The following DNAH5 variants were observed in gnomAD, a reference collection of about 807,000 sequenced individuals.
DNAH5 encodes the protein dynein axonemal heavy chain 5.
In DNAH5, 372 loss-of-function variants were observed where a neutral mutation model predicts 518.2. The observed-to-expected ratio is 0.72, with a 90% confidence interval of 0.66 to 0.78. DNAH5 has a LOEUF of 0.78. DNAH5 is among the 30% of genes least tolerant of loss of function. DNAH5 has a pLI of 0.00. For missense variants in DNAH5, 5,523 were observed against 5,687.0 expected (o/e 0.97, Z 0.93); for synonymous variants, 2,039 against 2,025.9 (o/e 1.01, Z -0.17).
chr5:13,707,999 G>A lies in DNAH5; in HGVS notation c.13338+124C>T. The A allele has an allele frequency of 8.7e-7, 1 of 1,153,544 alleles. No homozygotes were observed. Among genetic ancestry groups the A allele is most frequent in the African/African-American group, 1.5e-5 (1 of 65,884 alleles). The allele number at this position is 1,153,544 out of a possible 1,614,324, so 71.5% of individuals were successfully genotyped here. A position where few individuals can be genotyped will look rare whatever the true frequency, so the allele number is the denominator to read the frequency against. On this transcript the variant is annotated intron_variant, in intron 76 of 78. Transcript: ENST00000265104. The surrounding 1 kb of genome is among the most constrained non-coding windows in gnomAD (Gnocchi z 4.0). ...ATGGTCTAAAAATACAGGGCTACAG[G>A]GGGCTTCGTCCCTGTGCAAAAGAAT...
intron 1 of DNAH5, among the ~76,000 whole-genome samples, chr5:13,954,432 A>C (rs1262168217): frequency 6.6e-6 from 1 of 152,262 alleles, no homozygotes; most frequent in African/African-American, 2.4e-5. Flanking sequence ...ATAAGGAAAG[A>C]ACTTTTCATA....
At chr5:13,864,024 C>A (rs529144827) in intron 28 of DNAH5, among the ~76,000 whole-genome samples, 22 of 152,342 alleles carry the variant, frequency 1.4e-4, no homozygotes, top group Admixed American at 7.8e-4. Flanking sequence ...CTCCCTTCAC[C>A]CAGCCAGTCC....
intron 16 of DNAH5, among the ~76,000 whole-genome samples, chr5:13,892,011 G>C (rs527370093): frequency 6.6e-6 from 1 of 152,258 alleles, no homozygotes; most frequent in South Asian, 2.1e-4. Context: ...TTGAATACAG[G>C]AAAGTCAACG....
At position 13,916,419 on chromosome 5, in the gene DNAH5, C is replaced by A. The variant is rs201469505; in HGVS notation, c.1126G>T (p.Ala376Ser). Reference protein sequence around the residue: ...MMDAIPTLINAIKMIYSISHY... With the variant: ...MMDAIPTLINSIKMIYSISHY... ...GAGATACTATAGATCATTTTAATTGCATTTATAAGTGTAGGAATAGCATCC... is the reference window on the plus strand; with the variant it reads ...GAGATACTATAGATCATTTTAATTGAATTTATAAGTGTAGGAATAGCATCC... Residue 376 changes from alanine to serine, a missense_variant, in exon 9 of 79, where the codon GCA becomes TCA. Physicochemically the swap from Ala to Ser is moderately conservative, Grantham distance 99. Coordinates refer to ENST00000265104, the MANE Select transcript of DNAH5 (RefSeq NM_001369.3). The A allele has an allele frequency of 3.1e-4, 489 of 1,555,946 alleles. 2 individuals are homozygous for A. The East Asian group carries it at 6.9e-3, about 22-fold the overall frequency.
chr5:13,721,309 G>A (rs1414284993), intron 70 of DNAH5, 64 bp from the exon 71 acceptor site: 3 of 1,604,586 alleles, frequency 1.9e-6, no homozygotes, highest in African/African-American at 2.7e-5. Context: ...ATAATGTAGT[G>A]TGGTTTCCAA....
chr5:13,832,385 C>T (rs1171967736), intron 35 of DNAH5, among the ~76,000 whole-genome samples: 1 of 152,192 alleles, frequency 6.6e-6, no homozygotes, highest in Non-Finnish European at 1.5e-5. Context: ...GGCTTCAGAC[C>T]CACTGCTACA....
At chr5:13,979,060 C>A (rs952727295) in intron 1 of DNAH5, among the ~76,000 whole-genome samples, 9 of 152,120 alleles carry the variant, frequency 5.9e-5, no homozygotes, top group African/African-American at 2.2e-4. Context: ...TACACAGACA[C>A]CCTAGTTCCT....
At chr5:13,969,194 T>G (rs1372583026) in intron 1 of DNAH5, among the ~76,000 whole-genome samples, 1 of 152,240 alleles carries the variant, frequency 6.6e-6, no homozygotes, top group Non-Finnish European at 1.5e-5. Flanking sequence ...TTAGCTTATT[T>G]GGATCTTCTC....
At chr5:13,801,563 C>G (rs1758750668) in intron 47 of DNAH5, among the ~76,000 whole-genome samples, 2 of 152,180 alleles carry the variant, frequency 1.3e-5, no homozygotes, top group South Asian at 2.1e-4. Flanking sequence ...TCTCATTTTA[C>G]CATCTTGGTC....
Position 13,754,321 on chromosome 5 carries a change from T to C in DNAH5, c.10437A>G (p.Ala3479=), listed in dbSNP as rs139881808. 14 of 1,613,988 alleles carry C rather than the reference T, an allele frequency of 8.7e-6. No individual in the cohort carries two copies. In the Admixed American group the frequency reaches 1.3e-4, roughly 15 times the overall value. Residue 3479 remains alanine, a synonymous_variant, in exon 62 of 79, where the codon GCA becomes GCG. Coordinates refer to ENST00000265104, the MANE Select transcript of DNAH5 (RefSeq NM_001369.3). The part of the protein sequence containing the change: ...MTEKQTLLED[A]ERCRHKMQTA... ...TCTGCATCTTGTGTCTGCATCGCTC[T>C]GCATCTTCAAGCAAGGTCTAACAAA...
rs74525421 is a variant in DNAH5 at position 13,977,116 on chromosome 5, G to T, written c.12+34532C>A. Among the ~76,000 whole-genome samples, 416 of 152,306 alleles carry T rather than the reference G, an allele frequency of 2.7e-3. 1 individual carries two copies. The highest frequency in any genetic ancestry group is 9.4e-3 in the African/African-American group (389 of 41,562). On this transcript the variant is annotated intron_variant, in intron 1 of 78. Coordinates refer to the DNAH5 transcript ENST00000681290. The stretch of plus-strand genomic sequence containing the variant: ...GGTGCTCTGGAAATGTTTCATTACA[G>T]TGTCACTTCTTTTAGCAGTCTTGGT...
chr5:14,000,438 A>G (rs190105003), intron 1 of DNAH5, among the ~76,000 whole-genome samples: 64 of 152,318 alleles, frequency 4.2e-4, no homozygotes, highest in Non-Finnish European at 7.2e-4. Flanking sequence ...CCAGTTTGTG[A>G]TAATTTAGTG....
chr5:13,781,017 CTATT>C (rs1304476504), intron 52 of DNAH5, 58 bp from the exon 53 acceptor site: 1 of 1,586,546 alleles, frequency 6.3e-7, no homozygotes, highest in African/African-American at 1.4e-5. Context: ...TCTATTTTTC[CTATT>C]TATTCAATAT....
At chr5:13,981,916 C>G (rs1330796483) in intron 1 of DNAH5, among the ~76,000 whole-genome samples, 2 of 152,226 alleles carry the variant, frequency 1.3e-5, no homozygotes, top group Non-Finnish European at 2.9e-5. Flanking sequence ...AGTGCTGGCT[C>G]TAATCATAAC....
chr5:13,752,020 T>C, intron 64 of DNAH5, 114 bp downstream of exon 64: 3 of 1,154,142 alleles, frequency 2.6e-6, no homozygotes, highest in Non-Finnish European at 3.9e-6. Context: ...AAAACAAACC[T>C]TTCCCAAGGA....
At chr5:13,720,443 G>A in intron 71 of DNAH5, among the ~76,000 whole-genome samples, 1 of 152,158 alleles carries the variant, frequency 6.6e-6, no homozygotes, top group Non-Finnish European at 1.5e-5. Flanking sequence ...TGTCACCCAG[G>A]CTGGACTGCA....
At chr5:13,984,815 T>A (rs1287853061) in intron 1 of DNAH5, among the ~76,000 whole-genome samples, 1 of 152,194 alleles carries the variant, frequency 6.6e-6, no homozygotes, top group African/African-American at 2.4e-5. Flanking sequence ...GGTTCTGTAT[T>A]TTACACTGTT....
At chr5:13,735,757 A>T in intron 67 of DNAH5, 61 bp downstream of exon 67, 1 of 1,199,490 alleles carries the variant, frequency 8.3e-7, no homozygotes, top group Middle Eastern at 1.9e-4. Flanking sequence ...TTATAAATGT[A>T]ATGTCATCAT....
At chr5:13,987,183 CCTCA>C (rs908850340) in intron 1 of DNAH5, among the ~76,000 whole-genome samples, 2 of 152,012 alleles carry the variant, frequency 1.3e-5, no homozygotes, top group African/African-American at 4.8e-5. Context: ...CACACTTTTC[CCTCA>C]CTCTTGCCTT....
Sources: allele counts gnomAD v4.1 joint callset (sites outside exome capture counted in the v4.1 genomes callset), GRCh38; gene constraint gnomAD v4.1.1; non-coding constraint Gnocchi (gnomAD v3.1); transcripts MANE v1.5; gene names NCBI Gene and HGNC (gene_info 2026-07-23, HGNC 2026-07-21).